XXYLT1: variants seen among roughly 807,000 people sequenced by gnomAD.
XXYLT1 encodes the protein xyloside xylosyltransferase 1.
XXYLT1 carries 20 observed loss-of-function variants against 28.9 expected under a neutral mutation model. That is an observed-to-expected ratio of 0.69 (90% CI 0.49 to 1.00). XXYLT1 has a LOEUF of 1.00. Ranked by LOEUF, XXYLT1 falls within the 50% of genes least tolerant of loss-of-function variation. The pLI is 0.00. For synonymous variants in XXYLT1, 257 were observed against 253.8 expected, an observed-to-expected ratio of 1.01 and a Z score of -0.12; for missense variants, 542 against 560.1, an observed-to-expected ratio of 0.97 and a Z score of 0.33.
At chr3:195,202,163 T>C (rs1037635528) in intron 2 of XXYLT1, among the ~76,000 whole-genome samples, 3 of 151,482 alleles carry the variant, frequency 2.0e-5, no homozygotes, top group African/African-American at 2.4e-5. Flanking sequence ...GGCAACAGAG[T>C]GAGACTCCGT....
chr3:195,171,205 G>GAGCTGGGC (rs1721388316), intron 2 of XXYLT1, among the ~76,000 whole-genome samples: 1 of 152,254 alleles, frequency 6.6e-6, no homozygotes, highest in Non-Finnish European at 1.5e-5. Flanking sequence ...GGCATGGAAA[G>GAGCTGGGC]AGCTGGGCAC....
intron 1 of XXYLT1, among the ~76,000 whole-genome samples, chr3:195,258,544 C>T (rs1725563595): frequency 6.6e-6 from 1 of 152,102 alleles, no homozygotes. Context: ...ATAGAGGCGA[C>T]TCTGTCATCT....
chr3:195,093,523 A>C (rs1353258699), intron 3 of XXYLT1, among the ~76,000 whole-genome samples: 1 of 122,734 alleles, frequency 8.1e-6, no homozygotes. Flanking sequence ...CACTCTGGGG[A>C]CTGTTGTGGG....
At chr3:195,073,487 C>T (rs2676910) in intron 3 of XXYLT1, among the ~76,000 whole-genome samples, 3 of 152,078 alleles carry the variant, frequency 2.0e-5, no homozygotes, top group African/African-American at 4.8e-5. Flanking sequence ...CCCCTCCCCC[C>T]CTCATGCCCA....
chr3:195,235,553 C>A (rs2108814871), intron 1 of XXYLT1, among the ~76,000 whole-genome samples: 1 of 152,234 alleles, frequency 6.6e-6, no homozygotes, highest in Non-Finnish European at 1.5e-5. Flanking sequence ...GTCCTATTTT[C>A]CTGGATGGTC....
At chr3:195,086,992 T>C (rs1023809968) in intron 3 of XXYLT1, among the ~76,000 whole-genome samples, 2 of 152,086 alleles carry the variant, frequency 1.3e-5, no homozygotes, top group African/African-American at 2.4e-5. Context: ...GAGAGTGGCC[T>C]CCTAGGCCTT....
At chr3:195,110,516 G>C (rs1717580106) in intron 3 of XXYLT1, among the ~76,000 whole-genome samples, 1 of 138,138 alleles carries the variant, frequency 7.2e-6, no homozygotes, top group Non-Finnish European at 1.6e-5. Context: ...TGTGGTGTAT[G>C]TGTGCGTGGT....
At chr3:195,110,137 GTGTGTGTGGTGTC>G (rs1717450460) in intron 3 of XXYLT1, among the ~76,000 whole-genome samples, 1 of 44,656 alleles carries the variant, frequency 2.2e-5, no homozygotes, top group African/African-American at 8.2e-5. Context: ...TGTGTGTGTG[GTGTGTGTGGTGTC>G]TGTGTGTTGT....
intron 1 of XXYLT1, among the ~76,000 whole-genome samples, chr3:195,253,510 T>C (rs1170625844): frequency 6.7e-6 from 1 of 150,332 alleles, no homozygotes; most frequent in Non-Finnish European, 1.5e-5. Flanking sequence ...TTTCTTTTTT[T>C]TTTTTTTTTT....
intron 3 of XXYLT1, among the ~76,000 whole-genome samples, chr3:195,110,264 G>GTGTGTGC (rs1443135060): frequency 4.5e-4 from 1 of 2,232 alleles, no homozygotes; most frequent in Non-Finnish European, 1.1e-3. Flanking sequence ...AGTGTGTGTG[G>GTGTGTGC]GTGTGTGGTG....
At chr3:195,241,272 G>T (rs1165299904) in intron 1 of XXYLT1, among the ~76,000 whole-genome samples, 1 of 152,172 alleles carries the variant, frequency 6.6e-6, no homozygotes, top group East Asian at 1.9e-4. Flanking sequence ...TGAGGCTGGT[G>T]GTTGGGGACA....
intron 3 of XXYLT1, among the ~76,000 whole-genome samples, chr3:195,122,905 G>A (rs62290329): frequency 0.16 from 24,298 of 152,028 alleles, 2,339 homozygotes; most frequent in East Asian, 0.47. Flanking sequence ...ACAGGGTGTG[G>A]CCAGCTGGAA....
rs557661778 is a variant in XXYLT1, at chr3:195,078,770, C to T, written c.786-8659G>A. 1.3e-5 allele frequency among the ~76,000 whole-genome samples: 2 copies of T among 152,218 alleles called. No homozygotes were observed. The highest frequency in any genetic ancestry group is 4.8e-5 in the African/African-American group (2 of 41,526). On this transcript the variant is annotated intron_variant, in intron 3 of 3. Coordinates refer to ENST00000310380, the MANE Select transcript of XXYLT1 (RefSeq NM_152531.5). This position sits in a 1 kb window ranked among gnomAD's most constrained non-coding sequence, Gnocchi z 5.0. The stretch of plus-strand genomic sequence containing the variant: ...CACACTTCCAGAGCTGTCCTCCCCA[C>T]CTCCCATCGCACCATCCGGCTGGCA...
chr3:195,224,236 C>A (rs1723952333), intron 2 of XXYLT1, among the ~76,000 whole-genome samples: 1 of 152,246 alleles, frequency 6.6e-6, no homozygotes. Context: ...TTTGGGTCGG[C>A]TGGAGGCACA....
intron 1 of XXYLT1, among the ~76,000 whole-genome samples, chr3:195,251,278 G>A (rs886172580): frequency 6.6e-5 from 10 of 152,260 alleles, no homozygotes; most frequent in Non-Finnish European, 1.5e-4. Flanking sequence ...TCAAGTGGAT[G>A]ACCAATATGG....
intron 3 of XXYLT1, among the ~76,000 whole-genome samples, chr3:195,151,633 A>G (rs1298934758): frequency 2.6e-5 from 4 of 152,196 alleles, no homozygotes; most frequent in Non-Finnish European, 5.9e-5. Context: ...ACAATTATTT[A>G]GTATAAATAA....
In XXYLT1 at chr3:195,209,785, C is replaced by A; in HGVS notation, c.652+16924G>T. 1 of 152,540 alleles carries A rather than the reference C, an allele frequency of 6.6e-6. No individual in the cohort carries two copies. Among genetic ancestry groups the A allele is most frequent in the Non-Finnish European group, 1.5e-5 (1 of 68,236 alleles). The allele number at this position is 152,540 out of a possible 1,614,324, so 9.4% of individuals were successfully genotyped here. ...TCTCTCTGGAGGCCCAGCTATCGCC[C>A]GGAATATTCCAAAGGCTATCCAGAA... is the stretch of plus-strand genomic sequence containing the variant. On this transcript the variant is annotated intron_variant, in intron 2 of 3. Coordinates refer to ENST00000310380, the MANE Select transcript of XXYLT1 (RefSeq NM_152531.5). The surrounding 1 kb of genome is among the most constrained non-coding windows in gnomAD (Gnocchi z 5.0).
At chr3:195,165,868 C>T (rs1159772707) in intron 2 of XXYLT1, among the ~76,000 whole-genome samples, 3 of 152,168 alleles carry the variant, frequency 2.0e-5, no homozygotes, top group Non-Finnish European at 2.9e-5. Context: ...ATCTCAGGTA[C>T]TGGACTACAC....
intron 3 of XXYLT1, among the ~76,000 whole-genome samples, chr3:195,142,252 C>T (rs1380918955): frequency 6.6e-6 from 1 of 152,234 alleles, no homozygotes. Flanking sequence ...TGTTATCAAA[C>T]GTGTTCTAGT....
Sources: allele counts gnomAD v4.1 joint callset (sites outside exome capture counted in the v4.1 genomes callset), GRCh38; gene constraint gnomAD v4.1.1; non-coding constraint Gnocchi (gnomAD v3.1); transcripts MANE v1.5; gene names NCBI Gene and HGNC (gene_info 2026-07-23, HGNC 2026-07-21).